ALS2CL: variants seen among roughly 807,000 people sequenced by gnomAD.
ALS2CL encodes the protein ALS2 C-terminal like.
Under a neutral mutation model 127.9 loss-of-function variants are expected in ALS2CL, and 112 were observed. That is an observed-to-expected ratio of 0.88 (90% CI 0.75 to 1.02). ALS2CL has a LOEUF of 1.02. Among genes scored for constraint, ALS2CL ranks in the 50% least tolerant of loss-of-function variants. ALS2CL has a pLI of 0.00. For missense variants in ALS2CL, 1,174 were observed against 1,236.7 expected, an observed-to-expected ratio of 0.95 and a Z score of 0.76; for synonymous variants, 519 against 527.6, an observed-to-expected ratio of 0.98 and a Z score of 0.22.
Position 46,681,507 on chromosome 3 carries a change from T to A in ALS2CL, c.1267A>T (p.Ile423Phe). Residue 423 changes from isoleucine to phenylalanine, a missense_variant, in exon 12 of 26, where the codon ATC (isoleucine) becomes TTC (phenylalanine). Ile to Phe is a conservative substitution (Grantham distance 21, BLOSUM62 0). Transcript: ENST00000318962. The surrounding 1 kb of genome is among the most constrained non-coding windows in gnomAD (Gnocchi z 4.9). Reference sequence around the variant, plus strand: ...CCAGCCAGGGTCACTTACTCACAGATGCCGTAGCCACACATGCTGCCTTCT... The same window carrying A: ...CCAGCCAGGGTCACTTACTCACAGAAGCCGTAGCCACACATGCTGCCTTCT... Reference protein sequence around the residue: ...WREGSMCGYGICEYSTDEVYK... With the variant: ...WREGSMCGYGFCEYSTDEVYK... 1 of 1,614,094 alleles carries A rather than the reference T, an allele frequency of 6.2e-7. No individual in the cohort carries two copies.
Position 46,689,470 on chromosome 3 carries a change from G to GT in ALS2CL, c.-25-6dup, listed in dbSNP as rs1197737813. The GT allele has an allele frequency of 6.4e-7, 1 of 1,563,136 alleles. No individual in the cohort carries two copies. The highest frequency in any genetic ancestry group is 2.3e-5 in the East Asian group (1 of 43,020). On this transcript the variant is annotated splice_polypyrimidine_tract_variant and splice_region_variant and intron_variant, in intron 1 of 25. Coordinates refer to ENST00000318962, the MANE Select transcript of ALS2CL (RefSeq NM_147129.5). ...AGGTGCCGGACTCAGGGCCTCCTAG[G>GT]TAGGGCACAGGTTACAGCTAGATAG...
chr3:46,682,944 T>C (rs1699468119), intron 10 of ALS2CL, among the ~76,000 whole-genome samples, 186 bp downstream of exon 10: 1 of 152,210 alleles, frequency 6.6e-6, no homozygotes, highest in South Asian at 2.1e-4. Flanking sequence ...AAGACTTTAT[T>C]TGGCACAGAC....
chr3:46,672,673 T>C (rs931901456), intron 22 of ALS2CL, among the ~76,000 whole-genome samples: 3 of 152,192 alleles, frequency 2.0e-5, no homozygotes, highest in Admixed American at 6.5e-5. Context: ...AGCTGCCTCA[T>C]GTGCCCACTT....
In ALS2CL at chr3:46,683,992, T is replaced by C. The variant is rs1322671689; in HGVS notation, c.842A>G (p.Asp281Gly). Residue 281 changes from aspartate to glycine, a missense_variant, in exon 8 of 26, where the codon GAC becomes GGC. Asp to Gly is a moderately conservative substitution (Grantham distance 94). Coordinates refer to ENST00000318962, the MANE Select transcript of ALS2CL (RefSeq NM_147129.5). The stretch of plus-strand genomic sequence containing the variant: ...GTCAGCCGAGGGGGTTGCTCACCCG[T>C]CCTGCCCAGGATCCACCCACACCAG... The part of the protein sequence containing the change: ...LKLVWVDPGQ[D>G]GCTFHLLTPE... The C allele has an allele frequency of 6.3e-7, 1 of 1,587,032 alleles. No homozygotes were observed. Among genetic ancestry groups the C allele is most frequent in the East Asian group, 2.3e-5 (1 of 43,136 alleles).
At position 46,686,981 on chromosome 3, in the gene ALS2CL, A is replaced by T; in HGVS notation, c.534+2T>A. The stretch of plus-strand genomic sequence containing the variant: ...CCACATGCTGCTGCCCCTGGTACCC[A>T]CCTCCCCAATGGTGTCCCCGAGGCT... On this transcript the variant is annotated splice_donor_variant, in intron 5 of 25. Transcript: ENST00000318962. LOFTEE classifies it high-confidence loss of function. The surrounding 1 kb of genome is among the most constrained non-coding windows in gnomAD (Gnocchi z 4.3). 1 of 1,575,458 alleles carries T rather than the reference A, an allele frequency of 6.3e-7. No homozygotes were observed. Among genetic ancestry groups the T allele is most frequent in the South Asian group, 1.1e-5 (1 of 87,342 alleles).
At chr3:46,675,523 C>A in intron 20 of ALS2CL, 95 bp downstream of exon 20, 1 of 1,215,566 alleles carries the variant, frequency 8.2e-7, no homozygotes, top group Non-Finnish European at 1.2e-6. Flanking sequence ...CCAGCACTTC[C>A]CCAGAAGCAC....
At chr3:46,673,041 T>C (rs1177086528) in intron 22 of ALS2CL, among the ~76,000 whole-genome samples, 1 of 152,104 alleles carries the variant, frequency 6.6e-6, no homozygotes, top group Admixed American at 6.5e-5. Context: ...AATAAGAATT[T>C]TGAGGTTGTT....
At chr3:46,682,872 G>A (rs1699461397) in intron 10 of ALS2CL, among the ~76,000 whole-genome samples, 3 of 152,232 alleles carry the variant, frequency 2.0e-5, no homozygotes, top group Admixed American at 2.0e-4. Context: ...AGAATGGAAT[G>A]GCACCTGCAG....
In ALS2CL at chr3:46,689,480, G is replaced by A. The variant is rs781332199; in HGVS notation, c.-25-15C>T. 9.2e-5 allele frequency: 141 copies of A among 1,530,396 alleles called. No individual in the cohort carries two copies. The highest frequency in any genetic ancestry group is 3.6e-4 in the East Asian group (15 of 42,196). 94.8% of individuals were successfully genotyped at this position (1,530,396 alleles called of 1,614,324 possible). The stretch of plus-strand genomic sequence containing the variant: ...CTCAGGGCCTCCTAGGTAGGGCACA[G>A]GTTACAGCTAGATAGCACAGACAGG... On this transcript the variant is annotated splice_polypyrimidine_tract_variant and intron_variant, in intron 1 of 25. Transcript: ENST00000318962.
chr3:46,685,636 G>C lies in ALS2CL; in HGVS notation c.675C>G (p.Leu225=), dbSNP rs1699705315. 1.9e-6 allele frequency: 3 copies of C among 1,613,574 alleles called. No homozygotes were observed. Among genetic ancestry groups the C allele is most frequent in the Non-Finnish European group, 1.7e-6 (2 of 1,179,820 alleles). Residue 225 remains leucine (L), a synonymous_variant, in exon 7 of 26, where the codon CTC becomes CTG. Transcript: ENST00000318962. ...HTLRGRLRDV[L]CTPAHRLLQD... The stretch of plus-strand genomic sequence containing the variant: ...GAAGGAGTCTGTGAGCAGGGGTGCA[G>C]AGCACATCCTGGTGGGGCAAAGAGG...
At position 46,681,328 on chromosome 3, in the gene ALS2CL, G is replaced by A. The variant is rs1331815925; in HGVS notation, c.1354C>T (p.Gln452Ter). The A allele has an allele frequency of 6.2e-7, 1 of 1,613,590 alleles. No homozygotes were observed. Among genetic ancestry groups the A allele is most frequent in the African/African-American group, 1.3e-5 (1 of 74,912 alleles). ...GTGTACCTGAAGGGCTGGGGGGCCT[G>A]CGGACCACTCTCAAGGACCCCAAAT... ...HGFGVLESGP[Q>*]APQPFRYTGH... is the part of the protein sequence containing the mutation. Residue 452 changes from glutamine to a stop codon, truncating the protein, a stop_gained, in exon 13 of 26, where the codon CAG becomes TAG. Transcript: ENST00000318962. LOFTEE classifies it high-confidence loss of function. The surrounding 1 kb of genome is among the most constrained non-coding windows in gnomAD (Gnocchi z 4.9).
Position 46,671,518 on chromosome 3 carries a change from G to A in ALS2CL, c.2751C>T (p.Gly917=). ...GGGCTGTGAGCAGGAAGTCATACAG[G>A]CCTCCTGTGTGGTTGGGGTCCATCA... ...RDMMDPNHTG[G]LYDFLLTALE... is the part of the protein sequence containing the mutation. Residue 917 remains glycine, a synonymous_variant, in exon 25 of 26, where the codon GGC becomes GGT. Transcript: ENST00000318962. 6.2e-7 allele frequency: 1 copy of A among 1,614,020 alleles called. No individual in the cohort carries two copies.
chr3:46,677,072 A>C (rs746881224), intron 16 of ALS2CL, 50 bp from the exon 17 acceptor site: 11 of 1,552,300 alleles, frequency 7.1e-6, no homozygotes, highest in Admixed American at 1.8e-5. Flanking sequence ...GATGGAGCTG[A>C]GGTAGGCAGG....
At position 46,685,510 on chromosome 3, in the gene ALS2CL, C is replaced by A; in HGVS notation, c.786+15G>T. 1 of 1,612,444 alleles carries A rather than the reference C, an allele frequency of 6.2e-7. No individual in the cohort carries two copies. Among genetic ancestry groups the A allele is most frequent in the Middle Eastern group, 1.7e-4 (1 of 6,052 alleles). ...CTACTGTGGCCTCAAGACCTTGGGT[C>A]AGCCCCACCCCAACCTGCAGCAGGA... On this transcript the variant is annotated intron_variant, in intron 7 of 25. Transcript: ENST00000318962.
chr3:46,682,056 C>T lies in ALS2CL; in HGVS notation c.1148G>A (p.Gly383Glu), dbSNP rs1297847384. The change falls in exon 11 of 26, where the codon GGG becomes GAG. Residue 383 changes from glycine (G) to glutamate (E), a missense_variant. Gly to Glu is a moderately conservative substitution (Grantham distance 98). Transcript: ENST00000318962. The part of the protein sequence containing the change: ...LKWPDGRNHV[G>E]NFCQGLEHGF... ...ATGCTCCAGGCCCTGGCAGAAATTC[C>T]CCACGTGATTCCGCCCATCCGGCCA... The T allele has an allele frequency of 1.9e-6, 3 of 1,613,934 alleles. No homozygotes were observed. The highest frequency in any genetic ancestry group is 2.7e-5 in the African/African-American group (2 of 74,918).
chr3:46,676,382 G>T lies in ALS2CL; in HGVS notation c.2049C>A (p.His683Gln), dbSNP rs868693309. The change falls in exon 19 of 26, where the codon CAC (histidine) becomes CAA (glutamine). Residue 683 changes from histidine to glutamine, a missense_variant. Physicochemically the swap from His to Gln is conservative, Grantham distance 24. Transcript: ENST00000318962. ...YLRKALSNSL[H>Q]PLGKLLRTLM... Reference sequence around the variant, plus strand: ...GTGTCCGGAGCAGCTTTCCCAGGGGGTGCAGTGAGTTGCTCAGAGCCTGGG... The same window carrying T: ...GTGTCCGGAGCAGCTTTCCCAGGGGTTGCAGTGAGTTGCTCAGAGCCTGGG... 1.9e-6 allele frequency: 3 copies of T among 1,613,796 alleles called. No individual in the cohort carries two copies. The African/African-American group carries it at 4.0e-5, about 22-fold the overall frequency.
In ALS2CL at chr3:46,680,533, C is replaced by T. The variant is rs148451680; in HGVS notation, c.1445G>A (p.Arg482His). The stretch of plus-strand genomic sequence containing the variant: ...ACCAGCCTGCCACATGCCAATGTAG[C>T]GCTCACCTCTGGAAGGAGAGGAATG... ...GIEEDGDRGE[R>H]YIGMWQAGQR... Residue 482 changes from arginine to histidine, a missense_variant, in exon 14 of 26, where the codon CGC (arginine) becomes CAC (histidine). By Grantham distance (29) the Arg-to-His change is conservative. Transcript: ENST00000318962. The T allele has an allele frequency of 2.7e-4, 437 of 1,612,248 alleles. 3 individuals are homozygous for T. The highest frequency in any genetic ancestry group is 1.2e-3 in the South Asian group (113 of 91,076).
chr3:46,687,698 AG>A lies in ALS2CL; in HGVS notation c.303-15del. ...GACTCAATGTACCTGCAGGCAGCAC[AG>A]GGGACACCCTGCAAACCCAGTCCTC... On this transcript the variant is annotated splice_polypyrimidine_tract_variant and intron_variant, in intron 3 of 25. Coordinates refer to ENST00000318962, the MANE Select transcript of ALS2CL (RefSeq NM_147129.5). 6.2e-7 allele frequency: 1 copy of A among 1,609,580 alleles called. No individual in the cohort carries two copies. Among genetic ancestry groups the A allele is most frequent in the South Asian group, 1.1e-5 (1 of 90,316 alleles).
rs920281384 is a variant in ALS2CL at position 46,671,738 on chromosome 3, C to G, written c.2684+146G>C. 3.9e-6 allele frequency: 6 copies of G among 1,524,152 alleles called. No homozygotes were observed. In the African/African-American group the frequency reaches 5.5e-5, roughly 14 times the overall value. 94.4% of individuals were successfully genotyped at this position (1,524,152 alleles called of 1,614,324 possible). A position where few individuals can be genotyped will look rare whatever the true frequency, so the allele number is the denominator to read the frequency against. ...TAGCACCCCAGCACCCTGGCTGGGA[C>G]CCTCCCTTTTCTGGGCCTTGGCTTC... is the stretch of plus-strand genomic sequence containing the variant. On this transcript the variant is annotated intron_variant, in intron 24 of 25. Transcript: ENST00000318962.
Sources: allele counts gnomAD v4.1 joint callset (sites outside exome capture counted in the v4.1 genomes callset), GRCh38; gene constraint gnomAD v4.1.1; non-coding constraint Gnocchi (gnomAD v3.1); transcripts MANE v1.5; gene names NCBI Gene and HGNC (gene_info 2026-07-23, HGNC 2026-07-21).